Variants in HIF1AN observed in about 807,000 individuals in gnomAD.
HIF1AN encodes the protein hypoxia inducible factor 1 subunit alpha inhibitor.
HIF1AN carries 21 observed loss-of-function variants against 47.7 expected under a neutral mutation model. That is an observed-to-expected ratio of 0.44 (90% confidence interval 0.31 to 0.63). The LOEUF is 0.63. HIF1AN is among the 30% of genes least tolerant of loss of function. HIF1AN has a pLI of 0.07. For missense variants in HIF1AN, 320 were observed against 432.7 expected, an observed-to-expected ratio of 0.74 and a Z score of 2.31; for synonymous variants, 152 against 155.9, an observed-to-expected ratio of 0.98 and a Z score of 0.18.
chr10:100,536,551 G>A lies in HIF1AN; in HGVS notation c.318G>A (p.Lys106=). The change falls in exon 2 of 8, where the codon AAG becomes AAA. Residue 106 remains lysine, a synonymous_variant. Transcript: ENST00000299163. The part of the protein sequence containing the change: ...STHKFLYYDE[K]KMANFQNFKP... The stretch of plus-strand genomic sequence containing the variant: ...ACAAGTTCTTGTACTATGATGAGAA[G>A]AAGATGGCCAATTTCCAGAACTTTA... 1.2e-6 allele frequency: 2 copies of A among 1,614,208 alleles called. No homozygotes were observed. The highest frequency in any genetic ancestry group is 1.7e-6 in the Non-Finnish European group (2 of 1,180,044).
At position 100,558,628 on chromosome 10, in the gene HIF1AN, G is replaced by A. The variant is rs879882657; in HGVS notation, c.*10491G>A. 2.0e-5 allele frequency: 3 copies of A among 152,200 alleles called. No homozygotes were observed. Among genetic ancestry groups the A allele is most frequent in the Non-Finnish European group, 4.4e-5 (3 of 68,052 alleles). The allele number at this position is 152,200 out of a possible 1,614,324, so 9.4% of individuals were successfully genotyped here. On this transcript the variant is annotated 3_prime_UTR_variant, in exon 8 of 8. Coordinates refer to ENST00000299163, the MANE Select transcript of HIF1AN (RefSeq NM_017902.3). ...GGCCCTGAATAGCGTCAAACTCAGG[G>A]ATGTGAGCTGACTGACTGCCTTTTT...
At chr10:100,537,067 C>T (rs1394966835) in intron 2 of HIF1AN, among the ~76,000 whole-genome samples, 2 of 152,160 alleles carry the variant, frequency 1.3e-5, no homozygotes, top group Non-Finnish European at 2.9e-5. Context: ...GTGGCTCATG[C>T]CTGTAATCCC....
intron 3 of HIF1AN, among the ~76,000 whole-genome samples, chr10:100,543,867 G>A (rs1019740180): frequency 3.3e-5 from 5 of 152,192 alleles, no homozygotes; most frequent in Admixed American, 6.5e-5. Context: ...CGCTGCGCCC[G>A]GCAGTTTACT....
intron 2 of HIF1AN, among the ~76,000 whole-genome samples, chr10:100,539,993 TTTTA>T (rs777672692): frequency 4.6e-5 from 7 of 152,134 alleles, no homozygotes; most frequent in East Asian, 1.9e-4. Flanking sequence ...CCGTGGATTC[TTTTA>T]TTTATTTATT....
intron 3 of HIF1AN, among the ~76,000 whole-genome samples, chr10:100,542,826 A>G (rs1843052572): frequency 6.9e-6 from 1 of 145,422 alleles, no homozygotes; most frequent in Admixed American, 6.9e-5. Flanking sequence ...TTATGCATAC[A>G]CTAATAAATA....
At position 100,550,190 on chromosome 10, in the gene HIF1AN, T is replaced by G. The variant is rs1473007783; in HGVS notation, c.*2053T>G. The G allele has an allele frequency of 6.6e-6, 1 of 152,246 alleles. No individual in the cohort carries two copies. Among genetic ancestry groups the G allele is most frequent in the Non-Finnish European group, 1.5e-5 (1 of 68,052 alleles). The allele number at this position is 152,246 out of a possible 1,614,324, so 9.4% of individuals were successfully genotyped here. A position where few individuals can be genotyped will look rare whatever the true frequency, so the allele number is the denominator to read the frequency against. ...TGTGTCAAGGAGGCATGCACTCAGCTGGTCCTTGCTGAGTTATTTGCTGAC... is the reference window on the plus strand; with the variant it reads ...TGTGTCAAGGAGGCATGCACTCAGCGGGTCCTTGCTGAGTTATTTGCTGAC... On this transcript the variant is annotated 3_prime_UTR_variant, in exon 8 of 8. Transcript: ENST00000299163.
rs1230080806 is a variant in HIF1AN, at chr10:100,555,401, G to A, written c.*7264G>A. The A allele has an allele frequency of 1.3e-5, 2 of 152,236 alleles. No individual in the cohort carries two copies. The highest frequency in any genetic ancestry group is 2.9e-5 in the Non-Finnish European group (2 of 68,060). 9.4% of individuals were successfully genotyped at this position (152,236 alleles called of 1,614,324 possible). A position where few individuals can be genotyped will look rare whatever the true frequency, so the allele number is the denominator to read the frequency against. ...CCAGACCCTACTTGGAAGAAATGTT[G>A]AATCAAGCTACTCAGACTTCAGCCT... On this transcript the variant is annotated 3_prime_UTR_variant, in exon 8 of 8. Coordinates refer to ENST00000299163, the MANE Select transcript of HIF1AN (RefSeq NM_017902.3).
At chr10:100,547,310 A>G in intron 7 of HIF1AN, 60 bp downstream of exon 7, 1 of 985,874 alleles carries the variant, frequency 1.0e-6, no homozygotes, top group Non-Finnish European at 1.6e-6. Context: ...TCAGGATCAG[A>G]GCGACATTCT....
In HIF1AN at chr10:100,549,084, G is replaced by A. The variant is rs1482217218; in HGVS notation, c.*947G>A. The A allele has an allele frequency of 6.4e-5, 6 of 94,056 alleles. No homozygotes were observed. Among genetic ancestry groups the A allele is most frequent in the East Asian group, 4.9e-4 (2 of 4,072 alleles). 5.8% of individuals were successfully genotyped at this position (94,056 alleles called of 1,614,324 possible). A position where few individuals can be genotyped will look rare whatever the true frequency, so the allele number is the denominator to read the frequency against. The stretch of plus-strand genomic sequence containing the variant: ...TGCGTGCGTGTGTGTGTGTGTGTCC[G>A]TGTGTGTGTGTGTGTGTGTCCACAC... On this transcript the variant is annotated 3_prime_UTR_variant, in exon 8 of 8. Transcript: ENST00000299163.
Position 100,552,269 on chromosome 10 carries a change from C to G in HIF1AN, c.*4132C>G, listed in dbSNP as rs1346871562. ...TGAAGGAATGCGGGTTGGTGGTTCT[C>G]TCTTTCAGAATGGGAACTTCCCAAA... On this transcript the variant is annotated 3_prime_UTR_variant, in exon 8 of 8. Transcript: ENST00000299163. The G allele has an allele frequency of 1.3e-5, 2 of 152,272 alleles. No individual in the cohort carries two copies. The highest frequency in any genetic ancestry group is 6.5e-5 in the Admixed American group (1 of 15,290). 9.4% of individuals were successfully genotyped at this position (152,272 alleles called of 1,614,324 possible).
chr10:100,545,031 C>T lies in HIF1AN; in HGVS notation c.658C>T (p.Pro220Ser), dbSNP rs1420664205. The change falls in exon 4 of 8, where the codon CCT (proline) becomes TCT (serine). Residue 220 changes from proline (P) to serine (S), a missense_variant. Pro to Ser is a moderately conservative substitution (Grantham distance 74). Transcript: ENST00000299163. ...IKGYKRCILF[P>S]PDQFECLYPY... ...AGGTTACAAACGATGCATCTTATTC[C>T]CTCCGGATCAGTTCGAGTGCCTCTA... 6 of 1,614,216 alleles carry T rather than the reference C, an allele frequency of 3.7e-6. No individual in the cohort carries two copies. The highest frequency in any genetic ancestry group is 2.2e-5 in the East Asian group (1 of 44,886).
In HIF1AN at chr10:100,553,645, TAAAC is replaced by T. The variant is rs1843187317; in HGVS notation, c.*5511_*5514del. 1 of 152,252 alleles carries T rather than the reference TAAAC, an allele frequency of 6.6e-6. No homozygotes were observed. Among genetic ancestry groups the T allele is most frequent in the South Asian group, 2.1e-4 (1 of 4,836 alleles). The allele number at this position is 152,252 out of a possible 1,614,324, so 9.4% of individuals were successfully genotyped here. ...GCATATGTCCTTTAACTTTCAATGG[TAAAC>T]AATCTAGGATAGTGTTTAAAGGCAT... On this transcript the variant is annotated 3_prime_UTR_variant, in exon 8 of 8. Coordinates refer to ENST00000299163, the MANE Select transcript of HIF1AN (RefSeq NM_017902.3).
intron 4 of HIF1AN, chr10:100,545,454 T>C: frequency 4.2e-6 from 1 of 236,652 alleles, no homozygotes; most frequent in Non-Finnish European, 8.2e-6. Context: ...GCTATTTCTT[T>C]TTGATAAGAA....
At chr10:100,542,645 G>A (rs908613773) in intron 3 of HIF1AN, among the ~76,000 whole-genome samples, 3 of 152,030 alleles carry the variant, frequency 2.0e-5, no homozygotes, top group Non-Finnish European at 2.9e-5. Context: ...GTGAGCCACC[G>A]CGCCTGGCAA....
chr10:100,542,860 T>TG (rs1843055160), intron 3 of HIF1AN, among the ~76,000 whole-genome samples: 1 of 149,404 alleles, frequency 6.7e-6, no homozygotes, highest in African/African-American at 2.5e-5. Flanking sequence ...TTTTTTTTTT[T>TG]TTTTTTTTTC....
intron 2 of HIF1AN, among the ~76,000 whole-genome samples, chr10:100,539,432 T>C (rs1842998396): frequency 1.3e-5 from 2 of 152,338 alleles, no homozygotes; most frequent in East Asian, 3.9e-4. Flanking sequence ...CTTCCTTACT[T>C]TAGCTGTAGA....
Position 100,552,574 on chromosome 10 carries a change from T to G in HIF1AN, c.*4437T>G, listed in dbSNP as rs1230307642. ...TCAAACTGTTGGCTCTAAAGGGATG[T>G]TCCAGCCTCCCTCTCCAGAGCTGCC... On this transcript the variant is annotated 3_prime_UTR_variant, in exon 8 of 8. Coordinates refer to ENST00000299163, the MANE Select transcript of HIF1AN (RefSeq NM_017902.3). The G allele has an allele frequency of 6.6e-6, 1 of 152,416 alleles. No homozygotes were observed. The highest frequency in any genetic ancestry group is 2.4e-5 in the African/African-American group (1 of 41,452). The allele number at this position is 152,416 out of a possible 1,614,324, so 9.4% of individuals were successfully genotyped here. A position where few individuals can be genotyped will look rare whatever the true frequency, so the allele number is the denominator to read the frequency against.
At position 100,554,228 on chromosome 10, in the gene HIF1AN, G is replaced by C. The variant is rs914373641; in HGVS notation, c.*6091G>C. The C allele has an allele frequency of 6.6e-6, 1 of 152,174 alleles. No homozygotes were observed. The highest frequency in any genetic ancestry group is 1.5e-5 in the Non-Finnish European group (1 of 68,052). The allele number at this position is 152,174 out of a possible 1,614,324, so 9.4% of individuals were successfully genotyped here. ...TGTGTGAGAGGCCGTGGAGCCGAAT[G>C]AGTCCTTATTATACCTGGAGAAGCT... On this transcript the variant is annotated 3_prime_UTR_variant, in exon 8 of 8. Coordinates refer to ENST00000299163, the MANE Select transcript of HIF1AN (RefSeq NM_017902.3).
chr10:100,537,846 G>A (rs1056779683), intron 2 of HIF1AN, among the ~76,000 whole-genome samples: 2 of 152,194 alleles, frequency 1.3e-5, no homozygotes, highest in Non-Finnish European at 2.9e-5. Context: ...TTAACACTTA[G>A]CAGTTGTCAT....
Sources: gnomAD v4.1 joint callset for allele counts (sites outside exome capture counted in the v4.1 genomes callset) on GRCh38, gnomAD v4.1.1 for gene constraint, MANE v1.5 for transcripts, NCBI Gene and HGNC (gene_info 2026-07-23, HGNC 2026-07-21) for gene names.